The following TMEM255B variants were observed in gnomAD, a reference collection of about 807,000 sequenced individuals.
The protein encoded by TMEM255B is family with sequence similarity 70, member B.
A neutral mutation model predicts 34.5 loss-of-function variants in TMEM255B; 35 were observed. The observed-to-expected ratio is 1.01, with a 90% CI of 0.77 to 1.34. The LOEUF (loss-of-function observed/expected upper bound fraction) is 1.34. Among genes scored for constraint, TMEM255B ranks in the 40% most tolerant of loss-of-function variants. The probability of loss-of-function intolerance (pLI) is 0.00; values close to 1 mark genes in which losing one functional copy is unlikely to be tolerated. For missense variants in TMEM255B, 432 were observed against 433.2 expected (o/e 1.00, Z 0.02); for synonymous variants, 206 against 201.2 (o/e 1.02, Z -0.20).
chr13:113,782,659 C>T (rs1414963196), intron 3 of TMEM255B, among the ~76,000 whole-genome samples: 21 of 139,910 alleles, frequency 1.5e-4, no homozygotes, highest in Non-Finnish European at 3.2e-4. Context: ...ATGAGATTTC[C>T]TCCTGTGATG....
Position 113,770,077 on chromosome 13 carries a change from C to T in TMEM255B, c.252+917C>T, listed in dbSNP as rs531216962. ...AACCCTGTATGTTAGTCTGTTTTCACACTGCTGATAAAGACGTACCCAAGA... is the reference window on the plus strand; with the variant it reads ...AACCCTGTATGTTAGTCTGTTTTCATACTGCTGATAAAGACGTACCCAAGA... On this transcript the variant is annotated intron_variant, in intron 3 of 8. Transcript: ENST00000375353. The surrounding 1 kb of genome is among the most constrained non-coding windows in gnomAD (Gnocchi z 4.6). 6.6e-6 allele frequency among the ~76,000 whole-genome samples: 1 copy of T among 152,314 alleles called. No individual in the cohort carries two copies. The highest frequency in any genetic ancestry group is 1.9e-4 in the East Asian group (1 of 5,186).
intron 4 of TMEM255B, among the ~76,000 whole-genome samples, chr13:113,798,207 A>T (rs1280686224): frequency 6.7e-6 from 1 of 149,490 alleles, no homozygotes. Context: ...ATGGATGTGG[A>T]TGAATGGAAG....
chr13:113,763,626 A>G (rs916093422), intron 1 of TMEM255B, among the ~76,000 whole-genome samples: 9 of 152,244 alleles, frequency 5.9e-5, no homozygotes, highest in Non-Finnish European at 8.8e-5. Flanking sequence ...AAAAAAGACC[A>G]TAAGATTTTA....
chr13:113,774,113 G>T (rs892106375), intron 3 of TMEM255B, among the ~76,000 whole-genome samples: 1 of 144,118 alleles, frequency 6.9e-6, no homozygotes, highest in African/African-American at 2.6e-5. Flanking sequence ...CACTTGTCCT[G>T]TTCACCCCCC....
rs1386680429 is a variant in TMEM255B at position 113,816,123 on chromosome 13, G to A, written c.*4220G>A. On this transcript the variant is annotated 3_prime_UTR_variant, in exon 9 of 9. Transcript: ENST00000375353. ...TCGGGGAGGCAAGCGTGTTTGCAGC[G>A]TGTTCTGGATGGGGAGAGGTGCAGT... The A allele has an allele frequency of 5.8e-6, 1 of 172,082 alleles. No homozygotes were observed. Among genetic ancestry groups the A allele is most frequent in the Non-Finnish European group, 1.3e-5 (1 of 78,188 alleles). 10.7% of individuals were successfully genotyped at this position (172,082 alleles called of 1,614,324 possible).
chr13:113,805,597 T>C (rs1356575858), intron 8 of TMEM255B, among the ~76,000 whole-genome samples: 1 of 152,312 alleles, frequency 6.6e-6, no homozygotes, highest in East Asian at 1.9e-4. Flanking sequence ...GCTGTGGCCA[T>C]GGGTGAAACA....
chr13:113,775,169 C>T (rs1439118938), intron 3 of TMEM255B, among the ~76,000 whole-genome samples: 1 of 151,926 alleles, frequency 6.6e-6, no homozygotes, highest in East Asian at 1.9e-4. Flanking sequence ...ACACAATGCA[C>T]ACCACATACA....
At chr13:113,780,374 C>T (rs1316675713) in intron 3 of TMEM255B, among the ~76,000 whole-genome samples, 4 of 152,160 alleles carry the variant, frequency 2.6e-5, no homozygotes, top group African/African-American at 9.7e-5. Flanking sequence ...CACTATATTG[C>T]CATAACTTAA....
At chr13:113,807,393 C>T (rs1402481771) in intron 8 of TMEM255B, among the ~76,000 whole-genome samples, 1 of 142,608 alleles carries the variant, frequency 7.0e-6, no homozygotes, top group African/African-American at 2.7e-5. Flanking sequence ...GTGGTCCTCC[C>T]TGTCACACGT....
At chr13:113,784,247 T>G (rs1207009100) in intron 3 of TMEM255B, among the ~76,000 whole-genome samples, 3 of 152,032 alleles carry the variant, frequency 2.0e-5, no homozygotes, top group Non-Finnish European at 4.4e-5. Context: ...TCTAGGTGTC[T>G]CCAGAAGAAA....
intron 1 of TMEM255B, among the ~76,000 whole-genome samples, chr13:113,759,874 T>G (rs2050268644): frequency 6.6e-6 from 1 of 152,144 alleles, no homozygotes; most frequent in South Asian, 2.1e-4. Flanking sequence ...CTCCAATTCT[T>G]CCACTTCCCA....
Position 113,804,865 on chromosome 13 carries a change from C to T in TMEM255B, c.670-20C>T. 6.3e-7 allele frequency: 1 copy of T among 1,588,502 alleles called. No homozygotes were observed. The highest frequency in any genetic ancestry group is 1.1e-5 in the South Asian group (1 of 89,868). On this transcript the variant is annotated intron_variant, in intron 7 of 8. Transcript: ENST00000375353. ...CCACTAGGGGGTACACGCCGACCAC[C>T]CGTCTCCTCTCCATGGCAGGTGCCT... is the stretch of plus-strand genomic sequence containing the variant.
At chr13:113,810,546 C>T (rs989703864) in intron 8 of TMEM255B, among the ~76,000 whole-genome samples, 4 of 152,138 alleles carry the variant, frequency 2.6e-5, no homozygotes, top group South Asian at 2.1e-4. Context: ...ATCAATCCAT[C>T]GATTCTGAAT....
At position 113,769,713 on chromosome 13, in the gene TMEM255B, G is replaced by C. The variant is rs950553685; in HGVS notation, c.252+553G>C. The C allele has an allele frequency of 2.6e-5, 4 of 156,368 alleles. No individual in the cohort carries two copies. The highest frequency in any genetic ancestry group is 9.7e-5 in the African/African-American group (4 of 41,390). 9.7% of individuals were successfully genotyped at this position (156,368 alleles called of 1,614,324 possible). A position where few individuals can be genotyped will look rare whatever the true frequency, so the allele number is the denominator to read the frequency against. On this transcript the variant is annotated intron_variant, in intron 3 of 8. Coordinates refer to ENST00000375353, the MANE Select transcript of TMEM255B (RefSeq NM_182614.4). This position sits in a 1 kb window ranked among gnomAD's most constrained non-coding sequence, Gnocchi z 4.2. ...GTTCGTGGCTGTATGCGCGGCAACA[G>C]CGATCAGGTTCAGCTGGAAGTCTGT...
At chr13:113,795,101 C>A (rs1202860627) in intron 3 of TMEM255B, 47 bp from the exon 4 acceptor site, 1 of 1,583,792 alleles carries the variant, frequency 6.3e-7, no homozygotes, top group African/African-American at 1.3e-5. Flanking sequence ...CGTTTGAAAA[C>A]CGGGGTTGGT....
chr13:113,795,800 A>G (rs538505701), intron 4 of TMEM255B, among the ~76,000 whole-genome samples: 2 of 141,102 alleles, frequency 1.4e-5, no homozygotes, highest in East Asian at 4.4e-4. Context: ...CACAGCACAC[A>G]CACCAAAACA....
intron 7 of TMEM255B, among the ~76,000 whole-genome samples, chr13:113,804,467 AAAG>A (rs1412091746): frequency 6.6e-6 from 1 of 152,182 alleles, no homozygotes; most frequent in Non-Finnish European, 1.5e-5. Context: ...AAAAATCAAA[AAAG>A]TAAAAGAGAG....
Position 113,812,981 on chromosome 13 carries a change from G to GA in TMEM255B, c.*1078_*1079insA. ...GTCACGGGCCCCGGGTGGGTCACGGGTCCCGGGTGGGTCACGGGTCCCGAG... is the reference window on the plus strand; with the variant it reads ...GTCACGGGCCCCGGGTGGGTCACGGGATCCCGGGTGGGTCACGGGTCCCGAG... On this transcript the variant is annotated 3_prime_UTR_variant, in exon 9 of 9. Coordinates refer to ENST00000375353, the MANE Select transcript of TMEM255B (RefSeq NM_182614.4). The GA allele has an allele frequency of 7.5e-6, 1 of 133,640 alleles. No individual in the cohort carries two copies. Among genetic ancestry groups the GA allele is most frequent in the African/African-American group, 2.7e-5 (1 of 37,136 alleles). 8.3% of individuals were successfully genotyped at this position (133,640 alleles called of 1,614,324 possible).
Position 113,799,995 on chromosome 13 carries a change from T to C in TMEM255B, c.423+576T>C, listed in dbSNP as rs1445383026. On this transcript the variant is annotated intron_variant, in intron 5 of 8. Transcript: ENST00000375353. The stretch of plus-strand genomic sequence containing the variant: ...GCACGCGTGTCAGAGGAGGAGGAGC[T>C]GGAGGCCCTCTCAGTGGCCAGCACC... 3.2e-6 allele frequency: 4 copies of C among 1,251,980 alleles called. No individual in the cohort carries two copies. In the East Asian group the frequency reaches 1.7e-4, roughly 54 times the overall value. 77.6% of individuals were successfully genotyped at this position (1,251,980 alleles called of 1,614,324 possible).
Sources: allele counts gnomAD v4.1 joint callset (sites outside exome capture counted in the v4.1 genomes callset), GRCh38; gene constraint gnomAD v4.1.1; non-coding constraint Gnocchi (gnomAD v3.1); transcripts MANE v1.5; gene names NCBI Gene and HGNC (gene_info 2026-07-23, HGNC 2026-07-21).